The following LMO7 variants were observed in gnomAD, a reference collection of about 807,000 sequenced individuals.
LMO7 encodes LIM domain only protein 7.
LMO7 carries 120 observed loss-of-function variants against 206.5 expected under a neutral mutation model. The observed-to-expected ratio is 0.58, with a 90% CI of 0.50 to 0.68. LMO7 has a LOEUF of 0.68. LMO7 is among the 30% of genes least tolerant of loss of function. The pLI, the probability that LMO7 is intolerant of heterozygous loss-of-function variation, is 0.00. For synonymous variants in LMO7, 706 were observed against 681.5 expected (o/e 1.04, Z -0.56); for missense variants, 1,959 against 1,957.9 (o/e 1.00, Z -0.01).
intron 1 of LMO7, among the ~76,000 whole-genome samples, chr13:75,650,281 T>C (rs1450308402): frequency 6.6e-6 from 1 of 151,980 alleles, no homozygotes; most frequent in Non-Finnish European, 1.5e-5. Context: ...AGGTGCACGC[T>C]ACCATGCCTA....
At position 75,640,520 on chromosome 13, in the gene LMO7, A is replaced by C. The variant is rs574638244; in HGVS notation, c.69+3794A>C. On this transcript the variant is annotated intron_variant, in intron 1 of 30. Transcript: ENST00000377534. The stretch of plus-strand genomic sequence containing the variant: ...TCAACCTTTATGTGAAGCCTTCCCA[A>C]AATCGCCAAACCTCCAGCCCCACCC... Among the ~76,000 whole-genome samples the C allele has an allele frequency of 1.0e-3, 157 of 152,286 alleles. 1 individual carries two copies. The highest frequency in any genetic ancestry group is 1.8e-3 in the Non-Finnish European group (125 of 68,030).
At chr13:75,791,726 T>C (rs1476025586) in intron 4 of LMO7, among the ~76,000 whole-genome samples, 1 of 152,128 alleles carries the variant, frequency 6.6e-6, no homozygotes, top group Non-Finnish European at 1.5e-5. Flanking sequence ...GGTGGGCTAG[T>C]TGCAGTTCTA....
chr13:75,681,350 T>A (rs1207581748), intron 1 of LMO7, among the ~76,000 whole-genome samples: 1 of 152,190 alleles, frequency 6.6e-6, no homozygotes, highest in Non-Finnish European at 1.5e-5. Context: ...GCAAAGTTTA[T>A]GAGCTACTAT....
intron 4 of LMO7, among the ~76,000 whole-genome samples, chr13:75,776,760 A>C (rs902896467): frequency 6.6e-6 from 1 of 152,168 alleles, no homozygotes; most frequent in African/African-American, 2.4e-5. Context: ...AGTTGATGTG[A>C]GTGTTCACTG....
At chr13:75,624,746 T>A in intron 2 of LMO7, among the ~76,000 whole-genome samples, 1 of 152,202 alleles carries the variant, frequency 6.6e-6, no homozygotes, top group East Asian at 1.9e-4. Flanking sequence ...TGAGACTTAC[T>A]ATCACGGGAA....
At chr13:75,813,036 G>A (rs539008191) in intron 11 of LMO7, among the ~76,000 whole-genome samples, 2 of 152,222 alleles carry the variant, frequency 1.3e-5, no homozygotes, top group Non-Finnish European at 2.9e-5. Flanking sequence ...GCTTTCCCAA[G>A]GACATGTGGC....
chr13:75,803,837 T>C (rs1240865928), intron 7 of LMO7, among the ~76,000 whole-genome samples: 2 of 152,120 alleles, frequency 1.3e-5, no homozygotes, highest in African/African-American at 4.8e-5. Context: ...CTTCTCTTTC[T>C]ACATCCTTCC....
chr13:75,651,152 G>T (rs1440073040), intron 1 of LMO7, among the ~76,000 whole-genome samples: 6 of 152,160 alleles, frequency 3.9e-5, no homozygotes, highest in Non-Finnish European at 8.8e-5. Context: ...TCTGGTAAAA[G>T]AATGTGGTTG....
chr13:75,626,581 A>T (rs879550994), intron 2 of LMO7, among the ~76,000 whole-genome samples: 16,844 of 96,146 alleles, frequency 0.18, 2,880 homozygotes, highest in East Asian at 0.47. Flanking sequence ...TATATATTAT[A>T]TATATATATA....
intron 5 of LMO7, among the ~76,000 whole-genome samples, chr13:75,796,147 T>C: frequency 6.6e-6 from 1 of 152,178 alleles, no homozygotes. Context: ...ACTGACTGTT[T>C]AAGGACTCTG....
Position 75,805,502 on chromosome 13 carries a change from C to G in LMO7, c.938C>G (p.Thr313Ser). 6.2e-7 allele frequency: 1 copy of G among 1,613,874 alleles called. No individual in the cohort carries two copies. Among genetic ancestry groups the G allele is most frequent in the Non-Finnish European group, 8.5e-7 (1 of 1,179,822 alleles). Residue 313 changes from threonine (T) to serine (S), a missense_variant, in exon 9 of 31, where the codon ACC (threonine) becomes AGC (serine). Transcript: ENST00000377534. The part of the protein sequence containing the change: ...FSSNQRRIWG[T>S]NVENWPTVQG... ...AGTAATCAGAGGAGGATTTGGGGCA[C>G]CAATGTGGAGAACTGGCCAACTGTA...
At chr13:75,784,733 A>T (rs2052124628) in intron 4 of LMO7, among the ~76,000 whole-genome samples, 1 of 152,236 alleles carries the variant, frequency 6.6e-6, no homozygotes. Flanking sequence ...TTTAATTTCC[A>T]CAAAACCTAA....
intron 3 of LMO7, among the ~76,000 whole-genome samples, chr13:75,756,180 A>G (rs2047670365): frequency 6.6e-6 from 1 of 152,148 alleles, no homozygotes; most frequent in African/African-American, 2.4e-5. Context: ...CCTTAAGGAT[A>G]TTGTCCTCCA....
intron 4 of LMO7, among the ~76,000 whole-genome samples, chr13:75,763,170 C>T (rs1232704041): frequency 6.6e-6 from 1 of 152,090 alleles, no homozygotes; most frequent in African/African-American, 2.4e-5. Context: ...GATGTTTGGC[C>T]ACTTCCGGAG....
At chr13:75,813,976 T>A (rs1235046892) in intron 11 of LMO7, among the ~76,000 whole-genome samples, 2 of 152,240 alleles carry the variant, frequency 1.3e-5, no homozygotes, top group Non-Finnish European at 2.9e-5. Context: ...TCTGTCATAG[T>A]ATTAGTTCAA....
At chr13:75,777,156 TTTTA>T (rs146811651) in intron 4 of LMO7, among the ~76,000 whole-genome samples, 3,510 of 152,270 alleles carry the variant, frequency 0.023, 133 homozygotes, top group African/African-American at 0.079. Context: ...GAGGACACTG[TTTTA>T]TTTCTTTTTT....
At chr13:75,773,173 G>A (rs1429671603) in intron 4 of LMO7, among the ~76,000 whole-genome samples, 1 of 152,068 alleles carries the variant, frequency 6.6e-6, no homozygotes, top group South Asian at 2.1e-4. Flanking sequence ...GTACAGCATT[G>A]AGTAAAGATG....
chr13:75,716,208 G>A (rs1363197803), intron 2 of LMO7, among the ~76,000 whole-genome samples: 1 of 152,112 alleles, frequency 6.6e-6, no homozygotes, highest in African/African-American at 2.4e-5. Context: ...CTTTTGAACT[G>A]GTGTTCTGAA....
intron 4 of LMO7, among the ~76,000 whole-genome samples, chr13:75,764,997 A>G (rs559637848): frequency 4.0e-4 from 61 of 152,306 alleles, no homozygotes; most frequent in African/African-American, 1.3e-3. Flanking sequence ...TACACATGCT[A>G]GTTGCCAAAG....
Sources: gnomAD v4.1 joint callset for allele counts (sites outside exome capture counted in the v4.1 genomes callset) on GRCh38, gnomAD v4.1.1 for gene constraint, MANE v1.5 for transcripts, NCBI Gene and HGNC (gene_info 2026-07-23, HGNC 2026-07-21) for gene names.